The following MAGI2 variants were observed in gnomAD, a reference collection of about 807,000 sequenced individuals.
The protein encoded by MAGI2 is membrane-associated guanylate kinase, WW and PDZ domain-containing protein 2.
A neutral mutation model predicts 133.3 loss-of-function variants in MAGI2; 35 were observed. The observed-to-expected ratio is 0.26, with a 90% CI of 0.20 to 0.35. MAGI2 has a LOEUF of 0.35. Among genes scored for constraint, MAGI2 ranks in the 10% least tolerant of loss-of-function variants. MAGI2 has a pLI of 1.00. For synonymous variants in MAGI2, 729 were observed against 710.6 expected (o/e 1.03, Z -0.41); for missense variants, 1,636 against 1,863.4 (o/e 0.88, Z 2.25).
At chr7:79,209,025 G>C (rs1219459173) in intron 1 of MAGI2, among the ~76,000 whole-genome samples, 1 of 151,998 alleles carries the variant, frequency 6.6e-6, no homozygotes, top group African/African-American at 2.4e-5. Context: ...TGGGGTGGTC[G>C]TCGGGGCAGG....
At chr7:79,063,510 T>C (rs1459622033) in intron 1 of MAGI2, among the ~76,000 whole-genome samples, 1 of 152,038 alleles carries the variant, frequency 6.6e-6, no homozygotes, top group East Asian at 1.9e-4. Context: ...GGCCAGCTAA[T>C]TGAGTTACTT....
At chr7:78,674,413 C>G (rs1814757731) in intron 2 of MAGI2, among the ~76,000 whole-genome samples, 1 of 151,938 alleles carries the variant, frequency 6.6e-6, no homozygotes, top group East Asian at 1.9e-4. Context: ...GAGGTACTAG[C>G]TACATGTTAG....
chr7:79,030,400 G>T (rs1470879647), intron 1 of MAGI2: 2 of 152,174 alleles, frequency 1.3e-5, no homozygotes, highest in African/African-American at 4.8e-5. Flanking sequence ...GAAAATGATG[G>T]TAACGTTGAC....
At chr7:78,948,266 T>A (rs1801592715) in intron 2 of MAGI2, among the ~76,000 whole-genome samples, 1 of 152,060 alleles carries the variant, frequency 6.6e-6, no homozygotes, top group African/African-American at 2.4e-5. Flanking sequence ...AAAACAGAAG[T>A]ATATACGATT....
intron 1 of MAGI2, among the ~76,000 whole-genome samples, chr7:79,256,207 T>C (rs932152852): frequency 1.3e-5 from 2 of 152,202 alleles, no homozygotes; most frequent in African/African-American, 4.8e-5. Context: ...ATAACTACCT[T>C]TGACACAAAC....
chr7:79,426,834 A>G (rs998308899), intron 1 of MAGI2, among the ~76,000 whole-genome samples: 2 of 152,122 alleles, frequency 1.3e-5, no homozygotes, highest in Admixed American at 1.3e-4. Context: ...TCTATTCTGT[A>G]CCTTGATTTG....
chr7:78,076,921 C>T (rs1355645130), intron 21 of MAGI2, among the ~76,000 whole-genome samples: 5 of 129,784 alleles, frequency 3.9e-5, no homozygotes, highest in African/African-American at 1.1e-4. Context: ...GAATTTTTGT[C>T]TTGTTCAAAA....
chr7:78,126,193 GGTGTGTGTGTGT>G (rs3085805), intron 19 of MAGI2, among the ~76,000 whole-genome samples: 4 of 149,010 alleles, frequency 2.7e-5, no homozygotes, highest in East Asian at 3.9e-4. Flanking sequence ...ATAAATGTCA[GGTGTGTGTGTGT>G]GTGTGTGTGT....
chr7:78,985,086 C>T (rs1805132955), intron 2 of MAGI2, among the ~76,000 whole-genome samples: 1 of 151,362 alleles, frequency 6.6e-6, no homozygotes, highest in African/African-American at 2.4e-5. Context: ...ACTGTAGCCT[C>T]AACCACCTGG....
intron 2 of MAGI2, among the ~76,000 whole-genome samples, chr7:78,662,715 T>C (rs1191630518): frequency 6.6e-6 from 1 of 152,194 alleles, no homozygotes; most frequent in African/African-American, 2.4e-5. Context: ...AATAAAATTA[T>C]ATGTTAGTAC....
At position 78,427,319 on chromosome 7, in the gene MAGI2, G is replaced by A. The variant is rs189824422; in HGVS notation, c.1046-58106C>T. Among the ~76,000 whole-genome samples the A allele has an allele frequency of 4.1e-3, 628 of 152,124 alleles. 3 individuals are homozygous for A. The highest frequency in any genetic ancestry group is 7.8e-3 in the Non-Finnish European group (528 of 67,966). ...ATATTACCAGGCTGGATAAAAAAAGGCAATCCAATTATATGCTGAGTATAA... is the reference window on the plus strand; with the variant it reads ...ATATTACCAGGCTGGATAAAAAAAGACAATCCAATTATATGCTGAGTATAA... On this transcript the variant is annotated intron_variant, in intron 6 of 21. Coordinates refer to ENST00000354212, the MANE Select transcript of MAGI2 (RefSeq NM_012301.4).
At chr7:79,433,624 C>T (rs1847939244) in intron 1 of MAGI2, among the ~76,000 whole-genome samples, 1 of 152,026 alleles carries the variant, frequency 6.6e-6, no homozygotes, top group Admixed American at 6.6e-5. Context: ...TTACATGAGA[C>T]AGTACATGTG....
In MAGI2 at chr7:78,690,811, C is replaced by T. The variant is rs184460798; in HGVS notation, c.419-63572G>A. Among the ~76,000 whole-genome samples, 392 of 152,226 alleles carry T rather than the reference C, an allele frequency of 2.6e-3. 2 individuals carry two copies. Among genetic ancestry groups the T allele is most frequent in the Non-Finnish European group, 1.7e-3 (116 of 67,996 alleles). Reference sequence around the variant, plus strand: ...AAATACAGGTCCCTCAAAAATATTTCCTGAATAGTCACTCTAAATGGAGTA... The same window carrying T: ...AAATACAGGTCCCTCAAAAATATTTTCTGAATAGTCACTCTAAATGGAGTA... On this transcript the variant is annotated intron_variant, in intron 2 of 21. Coordinates refer to ENST00000354212, the MANE Select transcript of MAGI2 (RefSeq NM_012301.4).
intron 9 of MAGI2, among the ~76,000 whole-genome samples, chr7:78,260,018 A>G (rs1793365609): frequency 6.6e-6 from 1 of 152,206 alleles, no homozygotes; most frequent in African/African-American, 2.4e-5. Flanking sequence ...CACTGCAACA[A>G]TATCTTTATG....
chr7:78,882,086 C>CAAAAAAAAAAAAAAAAAAAAAA (rs771918590), intron 2 of MAGI2, among the ~76,000 whole-genome samples: 17 of 12,468 alleles, frequency 1.4e-3, no homozygotes, highest in African/African-American at 3.3e-3. Flanking sequence ...ACAACAACAA[C>CAAAAAAAAAAAAAAAAAAAAAA]AAAAAAAAAA....
chr7:78,824,684 A>AT (rs1790467868), intron 2 of MAGI2, among the ~76,000 whole-genome samples: 1 of 152,108 alleles, frequency 6.6e-6, no homozygotes, highest in East Asian at 1.9e-4. Context: ...CCTTTGTCAG[A>AT]TGAGTAGATT....
chr7:79,450,252 T>A (rs1849149181), intron 1 of MAGI2, among the ~76,000 whole-genome samples: 1 of 152,136 alleles, frequency 6.6e-6, no homozygotes, highest in Non-Finnish European at 1.5e-5. Flanking sequence ...ACATAACTAC[T>A]GGGCCAAGAG....
At chr7:78,660,726 A>T (rs13238240) in intron 2 of MAGI2, among the ~76,000 whole-genome samples, 41,957 of 152,118 alleles carry the variant, frequency 0.28, 6,155 homozygotes, top group Admixed American at 0.32. Flanking sequence ...ACATTTCTCC[A>T]TGTTAACCTT....
chr7:78,166,657 C>T (rs929167785), intron 15 of MAGI2, among the ~76,000 whole-genome samples: 5 of 152,140 alleles, frequency 3.3e-5, no homozygotes, highest in Admixed American at 6.5e-5. Flanking sequence ...AAGGATTTTT[C>T]GTCACATGAA....
Sources: gnomAD v4.1 joint callset for allele counts (sites outside exome capture counted in the v4.1 genomes callset) on GRCh38, gnomAD v4.1.1 for gene constraint, MANE v1.5 for transcripts, NCBI Gene and HGNC (gene_info 2026-07-23, HGNC 2026-07-21) for gene names.